GPX4: variants seen among roughly 807,000 people sequenced by gnomAD.
GPX4 encodes the protein phospholipid hydroperoxide glutathione peroxidase GPX4.
In GPX4, 28 loss-of-function variants were observed where a neutral mutation model predicts 27.8. The observed-to-expected ratio is 1.01, with a 90% CI of 0.75 to 1.38. GPX4 has a LOEUF of 1.38. GPX4 is among the 40% of genes most tolerant of loss of function. The probability of loss-of-function intolerance (pLI) is 0.00; values close to 1 mark genes in which losing one functional copy is unlikely to be tolerated. For missense variants in GPX4, 357 were observed against 274.1 expected (o/e 1.30, Z -2.14); for synonymous variants, 163 against 107.8 (o/e 1.51, Z -3.17).
chr19:1,105,844 G>A, intron 4 of GPX4, 35 bp downstream of exon 4: 2 of 1,034,746 alleles, frequency 1.9e-6, no homozygotes, highest in African/African-American at 1.5e-5. Context: ...GGCTGCTGGG[G>A]TGGGGGTGGG....
Position 1,106,622 on chromosome 19 carries a change from CT to C in GPX4, c.*52del. ...GAGCCCCTGCCCACGCCCTTGGAGC[CT>C]TCCACCGGCACTCATGACGGCCTGC... On this transcript the variant is annotated 3_prime_UTR_variant, in exon 7 of 7. Transcript: ENST00000354171. 1.2e-6 allele frequency: 2 copies of C among 1,609,522 alleles called. No homozygotes were observed. Among genetic ancestry groups the C allele is most frequent in the Non-Finnish European group, 1.7e-6 (2 of 1,178,324 alleles).
intron 1 of GPX4, 180 bp downstream of exon 1, chr19:1,104,307 C>A: frequency 1.8e-6 from 1 of 562,116 alleles, no homozygotes; most frequent in Non-Finnish European, 2.9e-6. Flanking sequence ...CTGCGACGCG[C>A]TCCGCGGCCC....
In GPX4 at chr19:1,104,024, T is replaced by G; in HGVS notation, c.-20T>G. On this transcript the variant is annotated 5_prime_UTR_variant, in exon 1 of 7. Coordinates refer to ENST00000354171, the MANE Select transcript of GPX4 (RefSeq NM_002085.5). ...TCGGCTGGACGAGGGGAGGAGCCGC[T>G]GGCTCCCAGCCCCGCCGCGATGAGC... The G allele has an allele frequency of 1.3e-6, 2 of 1,516,442 alleles. No individual in the cohort carries two copies. Among genetic ancestry groups the G allele is most frequent in the Non-Finnish European group, 1.8e-6 (2 of 1,138,220 alleles). The allele number at this position is 1,516,442 out of a possible 1,614,324, so 93.9% of individuals were successfully genotyped here. A position where few individuals can be genotyped will look rare whatever the true frequency, so the allele number is the denominator to read the frequency against.
Position 1,105,674 on chromosome 19 carries a change from AAGAGAT to A in GPX4, c.342_347del (p.Glu114_Ile116delinsAsp). ...CCGCCACAGGAGCCAGGGAGTAACG[AAGAGAT>A]CAAAGAGTTCGCCGCGGGCTACAAC... On this transcript the variant is annotated inframe_deletion, in exon 4 of 7. Coordinates refer to ENST00000354171, the MANE Select transcript of GPX4 (RefSeq NM_002085.5). The A allele has an allele frequency of 6.2e-7, 1 of 1,613,004 alleles. No individual in the cohort carries two copies. Among genetic ancestry groups the A allele is most frequent in the Non-Finnish European group, 8.5e-7 (1 of 1,179,706 alleles).
rs2079664673 is a variant in GPX4, at chr19:1,106,764, T to TAAAC, written c.*194_*197dup. 6.0e-6 allele frequency: 4 copies of TAAAC among 669,270 alleles called. No individual in the cohort carries two copies. Among genetic ancestry groups the TAAAC allele is most frequent in the Non-Finnish European group, 1.0e-5 (4 of 400,436 alleles). The allele number at this position is 669,270 out of a possible 1,614,324, so 41.5% of individuals were successfully genotyped here. On this transcript the variant is annotated 3_prime_UTR_variant, in exon 7 of 7. Coordinates refer to ENST00000354171, the MANE Select transcript of GPX4 (RefSeq NM_002085.5). ...CCCACCCCTGGCTACCTTGTGGGAA[T>TAAAC]AAACAGACAAATTAGCCTGCTGGAT...
chr19:1,106,115 C>A lies in GPX4; in HGVS notation c.477-127C>A, dbSNP rs546182511. ...CTGGGGTAAGATGGCTCTGGGGGGG[C>A]TTGGGGGCACTGTGGCTGTGGAGGC... On this transcript the variant is annotated intron_variant, in intron 4 of 6. Coordinates refer to ENST00000354171, the MANE Select transcript of GPX4 (RefSeq NM_002085.5). 58 of 844,164 alleles carry A rather than the reference C, an allele frequency of 6.9e-5. No individual in the cohort carries two copies. In the South Asian group the frequency reaches 1.0e-3, roughly 15 times the overall value. 52.3% of individuals were successfully genotyped at this position (844,164 alleles called of 1,614,324 possible). A position where few individuals can be genotyped will look rare whatever the true frequency, so the allele number is the denominator to read the frequency against.
At position 1,104,074 on chromosome 19, in the gene GPX4, A is replaced by T. The variant is rs1486003550; in HGVS notation, c.31A>T (p.Lys11Ter). The T allele has an allele frequency of 6.6e-7, 1 of 1,519,288 alleles. No individual in the cohort carries two copies. 94.1% of individuals were successfully genotyped at this position (1,519,288 alleles called of 1,614,324 possible). The part of the protein sequence containing the change: MSLGRLCRLL[K>*]PALLCGALAA... ...CCTCGGCCGCCTTTGCCGCCTACTG[A>T]AGCCGGCGCTGCTCTGTGGGGCTCT... Residue 11 changes from lysine (K) to a stop codon, truncating the protein, a stop_gained, in exon 1 of 7, where the codon AAG (lysine) becomes TAG (stop). Transcript: ENST00000354171. LOFTEE classifies it high-confidence loss of function.
intron 5 of GPX4, 55 bp from the exon 6 acceptor site, chr19:1,106,345 C>G: frequency 6.2e-7 from 1 of 1,610,610 alleles, no homozygotes; most frequent in Non-Finnish European, 8.5e-7. Context: ...ACAGGAAGGG[C>G]AGCCTCAGCC....
rs2145171363 is a variant in GPX4, at chr19:1,106,554, C to T, written c.576C>T (p.Asp192=). Residue 192 remains aspartate, a synonymous_variant, in exon 7 of 7, where the codon GAC becomes GAT. Transcript: ENST00000354171. ...PMEEPLVIEK[D]LPHYF is the part of the protein sequence containing the mutation. ...CTCCCCGACAGGTGATAGAGAAGGA[C>T]CTGCCCCACTATTTCTAGCTCCACA... 1 of 1,613,474 alleles carries T rather than the reference C, an allele frequency of 6.2e-7. No individual in the cohort carries two copies. The highest frequency in any genetic ancestry group is 1.1e-5 in the South Asian group (1 of 91,086).
chr19:1,104,981 C>T, intron 1 of GPX4: 1 of 1,475,230 alleles, frequency 6.8e-7, no homozygotes. Flanking sequence ...GGGGTTGGAA[C>T]CCTCTCCCGG....
rs1277864440 is a variant in GPX4 at position 1,105,650 on chromosome 19, C to T, written c.325-8C>T. On this transcript the variant is annotated splice_polypyrimidine_tract_variant and splice_region_variant and intron_variant, in intron 3 of 6. Coordinates refer to ENST00000354171, the MANE Select transcript of GPX4 (RefSeq NM_002085.5). ...CCCCGACTCACTCACACACCTTGGC[C>T]GCCACAGGAGCCAGGGAGTAACGAA... 5 of 1,611,938 alleles carry T rather than the reference C, an allele frequency of 3.1e-6. No individual in the cohort carries two copies. The highest frequency in any genetic ancestry group is 2.2e-5 in the East Asian group (1 of 44,836).
At chr19:1,104,187 T>C in intron 1 of GPX4, 60 bp downstream of exon 1, 1 of 1,321,096 alleles carries the variant, frequency 7.6e-7, no homozygotes, top group Non-Finnish European at 9.8e-7. Context: ...GCGCGATCCC[T>C]GCCTCCGCTC....
chr19:1,104,839 C>T (rs1568532096), intron 1 of GPX4: 1 of 1,097,700 alleles, frequency 9.1e-7, no homozygotes, highest in Admixed American at 3.8e-5. Context: ...CCCCAGCGTG[C>T]AGGCGCAGGA....
At chr19:1,105,960 T>G (rs1452434674) in intron 4 of GPX4, 151 bp downstream of exon 4, 15 of 907,530 alleles carry the variant, frequency 1.7e-5, no homozygotes, top group East Asian at 2.8e-5. Flanking sequence ...CTCCTGGGGG[T>G]AAGATGGCTC....
In GPX4 at chr19:1,104,070, A is replaced by G. The variant is rs2079619999; in HGVS notation, c.27A>G (p.Leu9=). 24 of 1,519,442 alleles carry G rather than the reference A, an allele frequency of 1.6e-5. No individual in the cohort carries two copies. Among genetic ancestry groups the G allele is most frequent in the Non-Finnish European group, 2.0e-5 (23 of 1,140,076 alleles). 94.1% of individuals were successfully genotyped at this position (1,519,442 alleles called of 1,614,324 possible). A position where few individuals can be genotyped will look rare whatever the true frequency, so the allele number is the denominator to read the frequency against. The change falls in exon 1 of 7, where the codon CTA becomes CTG. Residue 9 remains leucine (L), a synonymous_variant. Transcript: ENST00000354171. ...TGAGCCTCGGCCGCCTTTGCCGCCT[A>G]CTGAAGCCGGCGCTGCTCTGTGGGG... MSLGRLCR[L]LKPALLCGAL... is the part of the protein sequence containing the mutation.
Position 1,106,739 on chromosome 19 carries a change from C to G in GPX4, c.*167C>G. ...GGCCTGCTGGGCTTGGCTCGGCGCCCCCACCCCTGGCTACCTTGTGGGAAT... is the reference window on the plus strand; with the variant it reads ...GGCCTGCTGGGCTTGGCTCGGCGCCGCCACCCCTGGCTACCTTGTGGGAAT... On this transcript the variant is annotated 3_prime_UTR_variant, in exon 7 of 7. Transcript: ENST00000354171. The G allele has an allele frequency of 1.2e-6, 1 of 802,438 alleles. No homozygotes were observed. Among genetic ancestry groups the G allele is most frequent in the Non-Finnish European group, 1.9e-6 (1 of 516,592 alleles). The allele number at this position is 802,438 out of a possible 1,614,324, so 49.7% of individuals were successfully genotyped here.
chr19:1,105,996 C>T (rs1003047478), intron 4 of GPX4, 187 bp downstream of exon 4: 2 of 780,528 alleles, frequency 2.6e-6, no homozygotes, highest in Non-Finnish European at 4.0e-6. Context: ...GCTGTGGAGG[C>T]AGCCAGGGAT....
At chr19:1,104,285 C>A in intron 1 of GPX4, 158 bp downstream of exon 1, 1 of 654,620 alleles carries the variant, frequency 1.5e-6, no homozygotes, top group Non-Finnish European at 2.3e-6. Context: ...GGCACGGACG[C>A]GGGTGACCGT....
rs368588689 is a variant in GPX4, at chr19:1,106,248, C to G, written c.483C>G (p.Ile161Met). 6.9e-6 allele frequency: 11 copies of G among 1,602,722 alleles called. No homozygotes were observed. Among genetic ancestry groups the G allele is most frequent in the Non-Finnish European group, 8.5e-6 (10 of 1,174,074 alleles). Residue 161 changes from isoleucine (I) to methionine (M), a missense_variant, in exon 5 of 7, where the codon ATC becomes ATG. Physicochemically the swap from Ile to Met is conservative, Grantham distance 10 (BLOSUM62 1). Transcript: ENST00000354171. ...PKGKGILGNA[I>M]KWNFTKFLID... is the part of the protein sequence containing the mutation. ...CCATGTGCTTCTTTTCCAGTGCCAT[C>G]AAGTGGAACTTCACCAAGGTAAGGG... is the stretch of plus-strand genomic sequence containing the variant.
Sources: gnomAD v4.1 joint callset for allele counts on GRCh38, gnomAD v4.1.1 for gene constraint, MANE v1.5 for transcripts, NCBI Gene and HGNC (gene_info 2026-07-23, HGNC 2026-07-21) for gene names.